The following TCF7L2 variants were observed in gnomAD, a reference collection of about 807,000 sequenced individuals.
TCF7L2 encodes the protein transcription factor 7 like 2, also known as transcription factor 7-like 2.
TCF7L2 carries 23 observed loss-of-function variants against 77.9 expected under a neutral mutation model. That is an observed-to-expected ratio of 0.30 (90% CI 0.21 to 0.42). The LOEUF (loss-of-function observed/expected upper bound fraction) is 0.42. Among genes scored for constraint, TCF7L2 ranks in the 10% least tolerant of loss-of-function variants. The pLI, the probability that TCF7L2 is intolerant of heterozygous loss-of-function variation, is 1.00. For missense variants in TCF7L2, 654 were observed against 793.1 expected (o/e 0.82, Z 2.11); for synonymous variants, 413 against 340.2 (o/e 1.21, Z -2.36).
intron 5 of TCF7L2, among the ~76,000 whole-genome samples, chr10:113,089,806 C>T (rs185407648): frequency 7.2e-5 from 11 of 152,272 alleles, no homozygotes; most frequent in African/African-American, 2.4e-4. Flanking sequence ...TGAAGGCCCT[C>T]GTGATCCAGT....
intron 12 of TCF7L2, among the ~76,000 whole-genome samples, chr10:113,159,465 C>G (rs1297731105): frequency 6.6e-6 from 1 of 151,268 alleles, no homozygotes; most frequent in Non-Finnish European, 1.5e-5. Context: ...CTATTGTATT[C>G]TGAGAAGAAA....
At chr10:113,106,576 A>T (rs776437187) in intron 5 of TCF7L2, among the ~76,000 whole-genome samples, 9 of 152,176 alleles carry the variant, frequency 5.9e-5, no homozygotes, top group Non-Finnish European at 1.2e-4. Context: ...TGATATGATG[A>T]TCAGGAGGCT....
chr10:113,103,934 A>G (rs1284606353), intron 5 of TCF7L2, among the ~76,000 whole-genome samples: 1 of 151,898 alleles, frequency 6.6e-6, no homozygotes, highest in Non-Finnish European at 1.5e-5. Flanking sequence ...TGTAGCTGGG[A>G]CTCTTGGTTT....
chr10:113,118,569 A>G (rs1486426836), intron 5 of TCF7L2, among the ~76,000 whole-genome samples: 1 of 127,924 alleles, frequency 7.8e-6, no homozygotes, highest in Non-Finnish European at 1.7e-5. Flanking sequence ...TCACCTACAC[A>G]TTTGCCTGGA....
chr10:113,043,179 G>A (rs146585126), intron 5 of TCF7L2, among the ~76,000 whole-genome samples: 35 of 152,278 alleles, frequency 2.3e-4, no homozygotes, highest in African/African-American at 7.2e-4. Flanking sequence ...TTAATCATTC[G>A]AAACTACAAC....
At chr10:113,132,994 G>C (rs2066842377) in intron 5 of TCF7L2, 1 of 152,196 alleles carries the variant, frequency 6.6e-6, no homozygotes, top group South Asian at 2.1e-4. Context: ...CTGATCAGGG[G>C]CGAGCCTGGA....
At chr10:113,156,103 GTTTC>G (rs1232177112) in intron 11 of TCF7L2, among the ~76,000 whole-genome samples, 8 of 145,520 alleles carry the variant, frequency 5.5e-5, no homozygotes, top group Non-Finnish European at 4.5e-5. Context: ...GTGTTCTCGA[GTTTC>G]TTTCTTTCTT....
At chr10:113,063,724 A>G (rs1425440950) in intron 5 of TCF7L2, among the ~76,000 whole-genome samples, 1 of 152,148 alleles carries the variant, frequency 6.6e-6, no homozygotes, top group Non-Finnish European at 1.5e-5. Flanking sequence ...AAGGAGCCGG[A>G]GGGTGGAGAA....
In TCF7L2 at chr10:112,953,751, G is replaced by A. The variant is rs532530044; in HGVS notation, c.381+2144G>A. Among the ~76,000 whole-genome samples, 71 of 152,318 alleles carry A rather than the reference G, an allele frequency of 4.7e-4. 1 individual carries two copies. Among genetic ancestry groups the A allele is most frequent in the African/African-American group, 1.7e-3 (71 of 41,558 alleles). On this transcript the variant is annotated intron_variant, in intron 3 of 13. Transcript: ENST00000627217. ...ATAAATGATTTCCCGGTGAGAAAAG[G>A]AAGGCTCCCAATGATCGGTCCCTTT...
chr10:113,078,633 A>G (rs1262500842), intron 5 of TCF7L2, among the ~76,000 whole-genome samples: 1 of 151,998 alleles, frequency 6.6e-6, no homozygotes, highest in Non-Finnish European at 1.5e-5. Flanking sequence ...TCAGCCTCTC[A>G]AAGTGCTGGG....
intron 5 of TCF7L2, among the ~76,000 whole-genome samples, chr10:113,088,028 A>G (rs1011072458): frequency 6.6e-6 from 1 of 152,210 alleles, no homozygotes. Flanking sequence ...TGTTGGTGTT[A>G]TCCTCAATCT....
intron 5 of TCF7L2, among the ~76,000 whole-genome samples, chr10:113,102,329 C>CTAATAAA (rs2061755550): frequency 6.6e-6 from 1 of 151,708 alleles, no homozygotes; most frequent in Non-Finnish European, 1.5e-5. Flanking sequence ...TTTTGCCTAT[C>CTAATAAA]TTTACTTATT....
At chr10:113,127,045 C>A in intron 5 of TCF7L2, 1 of 517,746 alleles carries the variant, frequency 1.9e-6, no homozygotes, top group Non-Finnish European at 2.5e-6. Flanking sequence ...GGTTGATGTA[C>A]CTTGACTGGT....
chr10:113,097,913 G>A (rs1226138759), intron 5 of TCF7L2, among the ~76,000 whole-genome samples: 2 of 151,362 alleles, frequency 1.3e-5, no homozygotes, highest in African/African-American at 2.4e-5. Flanking sequence ...TTAGCCAGGC[G>A]TGGTAGTGCG....
chr10:113,085,704 T>A (rs2059768098), intron 5 of TCF7L2, among the ~76,000 whole-genome samples: 1 of 152,244 alleles, frequency 6.6e-6, no homozygotes, highest in African/African-American at 2.4e-5. Flanking sequence ...CATCAGGGGC[T>A]GAGCCACCAG....
intron 4 of TCF7L2, among the ~76,000 whole-genome samples, chr10:113,020,402 C>G (rs1006952138): frequency 1.3e-5 from 2 of 152,170 alleles, no homozygotes; most frequent in Non-Finnish European, 2.9e-5. Flanking sequence ...GCTGTGTGGT[C>G]CTTCTTCCTG....
intron 4 of TCF7L2, among the ~76,000 whole-genome samples, chr10:113,000,665 T>G (rs1186502983): frequency 6.6e-6 from 1 of 152,124 alleles, no homozygotes; most frequent in Non-Finnish European, 1.5e-5. Context: ...AGTGCTGCTG[T>G]TATCCTTACC....
At chr10:112,976,008 G>A (rs1177304150) in intron 4 of TCF7L2, among the ~76,000 whole-genome samples, 4 of 152,190 alleles carry the variant, frequency 2.6e-5, no homozygotes, top group South Asian at 2.1e-4. Flanking sequence ...AAACAGGTAC[G>A]AGTGGAGGTG....
chr10:112,988,673 A>T (rs980100189), intron 4 of TCF7L2, among the ~76,000 whole-genome samples: 1 of 152,192 alleles, frequency 6.6e-6, no homozygotes, highest in Admixed American at 6.5e-5. Flanking sequence ...GGCTGGCATT[A>T]TTCCGTGATG....
Sources: gnomAD v4.1 joint callset for allele counts (sites outside exome capture counted in the v4.1 genomes callset) on GRCh38, gnomAD v4.1.1 for gene constraint, MANE v1.5 for transcripts, NCBI Gene and HGNC (gene_info 2026-07-23, HGNC 2026-07-21) for gene names.